LSAMP: variants seen among roughly 807,000 people sequenced by gnomAD.
LSAMP encodes the protein limbic system associated membrane protein, also known as limbic system-associated membrane protein.
LSAMP carries 7 observed loss-of-function variants against 38.6 expected under a neutral mutation model. That is an observed-to-expected ratio of 0.18 (90% CI 0.10 to 0.34). LSAMP has a LOEUF of 0.34. Among genes scored for constraint, LSAMP ranks in the 10% least tolerant of loss-of-function variants. The pLI is 1.00. For missense variants in LSAMP, 313 were observed against 420.0 expected (o/e 0.75, Z 2.23); for synonymous variants, 154 against 166.8 (o/e 0.92, Z 0.59).
At chr3:116,088,769 A>T (rs368544085) in intron 1 of LSAMP, among the ~76,000 whole-genome samples, 51 of 152,310 alleles carry the variant, frequency 3.3e-4, no homozygotes, top group African/African-American at 1.2e-3. Context: ...TCTTCACTTT[A>T]AAAGAAAAAA....
At chr3:115,940,501 A>G (rs996164544) in intron 3 of LSAMP, among the ~76,000 whole-genome samples, 1 of 152,140 alleles carries the variant, frequency 6.6e-6, no homozygotes, top group Admixed American at 6.5e-5. Context: ...CCAAGTCCCC[A>G]CCCGACCCAG....
chr3:116,002,107 A>C (rs934514929), intron 3 of LSAMP, among the ~76,000 whole-genome samples: 1 of 152,134 alleles, frequency 6.6e-6, no homozygotes, highest in African/African-American at 2.4e-5. Flanking sequence ...ATAGAATTCC[A>C]TAAGGTCATG....
chr3:115,842,560 T>C lies in LSAMP; in HGVS notation c.668A>G (p.Glu223Gly). The C allele has an allele frequency of 2.5e-6, 4 of 1,613,610 alleles. No individual in the cohort carries two copies. Among genetic ancestry groups the C allele is most frequent in the Non-Finnish European group, 2.5e-6 (3 of 1,179,682 alleles). Residue 223 changes from glutamate to glycine, a missense_variant, in exon 5 of 7, where the codon GAA (glutamate) becomes GGA (glycine). Glu to Gly is a moderately conservative substitution (Grantham distance 98, BLOSUM62 -2). Coordinates refer to ENST00000490035, the MANE Select transcript of LSAMP (RefSeq NM_002338.5). ...VTVNYPPTIT[E>G]SKSNEATTGR... is the part of the protein sequence containing the mutation. ...TGTGGTGGCTTCATTGCTCTTGGAT[T>C]CTGTGATAGTGGGAGGATCTGTAGG... is the stretch of plus-strand genomic sequence containing the variant.
chr3:116,430,048 A>C (rs1293392293), intron 1 of LSAMP, among the ~76,000 whole-genome samples: 1 of 152,212 alleles, frequency 6.6e-6, no homozygotes. Context: ...GACGTAAGAG[A>C]TGAGGTCAGC....
rs561185398 is a variant in LSAMP at position 115,806,693 on chromosome 3, C to T, written c.*3624G>A. On this transcript the variant is annotated 3_prime_UTR_variant, in exon 7 of 7. Coordinates refer to ENST00000490035, the MANE Select transcript of LSAMP (RefSeq NM_002338.5). ...CATGGCAAGCGAGAAGTCTGTCTGA[C>T]TTGGAAGAGAAGGCAAAGGTCAATG... The T allele has an allele frequency of 6.6e-6, 1 of 152,302 alleles. No individual in the cohort carries two copies. Among genetic ancestry groups the T allele is most frequent in the Non-Finnish European group, 1.5e-5 (1 of 68,032 alleles). 9.4% of individuals were successfully genotyped at this position (152,302 alleles called of 1,614,324 possible).
chr3:116,419,325 C>A (rs1383956247), intron 1 of LSAMP, among the ~76,000 whole-genome samples: 2 of 152,146 alleles, frequency 1.3e-5, no homozygotes, highest in Admixed American at 6.5e-5. Context: ...AAAGTGACAT[C>A]TTTTTTTAAT....
chr3:116,294,750 T>C (rs75399274), intron 1 of LSAMP, among the ~76,000 whole-genome samples: 5,636 of 152,316 alleles, frequency 0.037, 135 homozygotes, highest in Middle Eastern at 0.068. Flanking sequence ...ATATTTATTA[T>C]AGAAGCAGCC....
At chr3:116,330,366 GC>G (rs1347876838) in intron 1 of LSAMP, among the ~76,000 whole-genome samples, 2 of 152,012 alleles carry the variant, frequency 1.3e-5, no homozygotes, top group East Asian at 3.9e-4. Flanking sequence ...ATAAGGGTGA[GC>G]AAAAAAGACC....
At chr3:116,249,858 G>A (rs1338397355) in intron 1 of LSAMP, among the ~76,000 whole-genome samples, 10 of 151,972 alleles carry the variant, frequency 6.6e-5, no homozygotes, top group African/African-American at 9.7e-5. Flanking sequence ...AATTATTACC[G>A]ATGACAATAT....
chr3:116,030,734 C>G (rs1010340025), intron 2 of LSAMP, among the ~76,000 whole-genome samples: 1 of 152,008 alleles, frequency 6.6e-6, no homozygotes, highest in South Asian at 2.1e-4. Context: ...CGAAATGGCA[C>G]CCTAAGACAT....
intron 1 of LSAMP, among the ~76,000 whole-genome samples, chr3:116,206,189 G>A (rs1448843011): frequency 7.5e-5 from 11 of 146,044 alleles, no homozygotes; most frequent in South Asian, 4.5e-4. Flanking sequence ...GTTTATTTGC[G>A]TAGAGGTGTT....
intron 1 of LSAMP, among the ~76,000 whole-genome samples, chr3:116,262,596 G>T (rs4831129): frequency 0.56 from 85,779 of 152,086 alleles, 28,393 homozygotes; most frequent in South Asian, 0.77. Context: ...TATCAGATAC[G>T]CAGCAAGCAC....
chr3:115,992,005 A>G (rs1939683990), intron 3 of LSAMP, among the ~76,000 whole-genome samples: 1 of 152,004 alleles, frequency 6.6e-6, no homozygotes, highest in East Asian at 1.9e-4. Flanking sequence ...AATTATCCCA[A>G]TGTCTTGTTT....
chr3:115,974,639 T>C (rs1939127036), intron 3 of LSAMP, among the ~76,000 whole-genome samples: 1 of 152,176 alleles, frequency 6.6e-6, no homozygotes, highest in African/African-American at 2.4e-5. Context: ...TCATTTCACA[T>C]AGAGTAAGGT....
intron 1 of LSAMP, among the ~76,000 whole-genome samples, chr3:116,337,692 A>G (rs1445198555): frequency 2.6e-5 from 4 of 151,970 alleles, no homozygotes; most frequent in African/African-American, 7.2e-5. Flanking sequence ...CTTGACAGTC[A>G]AGGACAGAGA....
chr3:116,065,630 C>T (rs1707409873), intron 2 of LSAMP, among the ~76,000 whole-genome samples: 1 of 152,180 alleles, frequency 6.6e-6, no homozygotes, highest in South Asian at 2.1e-4. Flanking sequence ...CCACACATTT[C>T]ACAGGTATGC....
At chr3:115,834,335 G>C (rs1934713783) in intron 6 of LSAMP, among the ~76,000 whole-genome samples, 1 of 152,096 alleles carries the variant, frequency 6.6e-6, no homozygotes, top group African/African-American at 2.4e-5. Flanking sequence ...TGCCTTCACA[G>C]CTACTGACCA....
intron 1 of LSAMP, among the ~76,000 whole-genome samples, chr3:116,191,180 G>T (rs541367660): frequency 5.3e-5 from 8 of 152,082 alleles, no homozygotes; most frequent in Non-Finnish European, 7.3e-5. Flanking sequence ...CCAAGATTGC[G>T]CCACTGCACT....
chr3:116,063,275 T>G (rs1010997999), intron 2 of LSAMP, among the ~76,000 whole-genome samples: 4 of 152,206 alleles, frequency 2.6e-5, no homozygotes, highest in Non-Finnish European at 4.4e-5. Context: ...TTAGAACTCC[T>G]TCTGAATTAC....
Sources: gnomAD v4.1 joint callset for allele counts (sites outside exome capture counted in the v4.1 genomes callset) on GRCh38, gnomAD v4.1.1 for gene constraint, MANE v1.5 for transcripts, NCBI Gene and HGNC (gene_info 2026-07-23, HGNC 2026-07-21) for gene names.